CREB3L2: variants seen among roughly 807,000 people sequenced by gnomAD.
CREB3L2 encodes cyclic AMP-responsive element-binding protein 3-like protein 2.
CREB3L2 carries 23 observed loss-of-function variants against 57.2 expected under a neutral mutation model. The observed-to-expected ratio is 0.40, with a 90% confidence interval of 0.29 to 0.57. CREB3L2 has a LOEUF of 0.57. Among genes scored for constraint, CREB3L2 ranks in the 20% least tolerant of loss-of-function variants. The pLI is 0.42. For missense variants in CREB3L2, 628 were observed against 634.7 expected (o/e 0.99, Z 0.11); for synonymous variants, 268 against 265.1 (o/e 1.01, Z -0.11).
chr7:137,970,285 C>T (rs558456157), intron 1 of CREB3L2, among the ~76,000 whole-genome samples: 39 of 152,238 alleles, frequency 2.6e-4, no homozygotes, highest in Middle Eastern at 3.4e-3. Flanking sequence ...TTAAACTGCC[C>T]AAATAGAATT....
chr7:137,962,040 T>C (rs964785106), intron 1 of CREB3L2, among the ~76,000 whole-genome samples: 15 of 152,122 alleles, frequency 9.9e-5, no homozygotes, highest in African/African-American at 3.6e-4. Context: ...TGCTCTGCTC[T>C]TCCCCATCTG....
intron 8 of CREB3L2, among the ~76,000 whole-genome samples, chr7:137,894,040 T>C (rs1451524323): frequency 6.6e-6 from 1 of 152,188 alleles, no homozygotes; most frequent in Non-Finnish European, 1.5e-5. Flanking sequence ...GACAGTCTCT[T>C]GGGTCTTCTT....
chr7:137,915,836 C>T lies in CREB3L2; in HGVS notation c.495+1G>A. The stretch of plus-strand genomic sequence containing the variant: ...TTTAAACAGACGAAAATTGAGCATA[C>T]CCCAGTGTTCATTTCCAGAGGAGGT... On this transcript the variant is annotated splice_donor_variant, in intron 3 of 11. Transcript: ENST00000330387. LOFTEE classifies it high-confidence loss of function. 1 of 1,613,188 alleles carries T rather than the reference C, an allele frequency of 6.2e-7. No homozygotes were observed. Among genetic ancestry groups the T allele is most frequent in the Non-Finnish European group, 8.5e-7 (1 of 1,179,472 alleles).
intron 8 of CREB3L2, among the ~76,000 whole-genome samples, chr7:137,886,122 G>A (rs1799414124): frequency 6.6e-6 from 1 of 152,224 alleles, no homozygotes; most frequent in Admixed American, 6.5e-5. Flanking sequence ...CTCCAGAACT[G>A]TAAGAGATCA....
At chr7:137,978,624 G>GT (rs1208451752) in intron 1 of CREB3L2, among the ~76,000 whole-genome samples, 7 of 152,290 alleles carry the variant, frequency 4.6e-5, no homozygotes, top group South Asian at 4.1e-4. Flanking sequence ...GGAAAAGAAC[G>GT]TAAGACACTG....
intron 1 of CREB3L2, among the ~76,000 whole-genome samples, chr7:137,989,704 T>C (rs909196886): frequency 6.6e-6 from 1 of 152,132 alleles, no homozygotes; most frequent in African/African-American, 2.4e-5. Flanking sequence ...GTCGCTCCTG[T>C]GAATGTTCTG....
At chr7:137,921,567 C>G (rs1307595608) in intron 2 of CREB3L2, among the ~76,000 whole-genome samples, 1 of 152,134 alleles carries the variant, frequency 6.6e-6, no homozygotes, top group Non-Finnish European at 1.5e-5. Flanking sequence ...TCCATCATTT[C>G]CATAGGTGCC....
At chr7:137,913,220 C>A in intron 3 of CREB3L2, 142 bp from the exon 4 acceptor site, 1 of 768,838 alleles carries the variant, frequency 1.3e-6, no homozygotes, top group Admixed American at 3.0e-5. Context: ...GGCAACTTCC[C>A]TGACAGGGAG....
chr7:137,966,477 T>C (rs1226805524), intron 1 of CREB3L2, among the ~76,000 whole-genome samples: 1 of 152,030 alleles, frequency 6.6e-6, no homozygotes, highest in African/African-American at 2.4e-5. Context: ...ATTTAAGAAG[T>C]GTATGTTGAT....
At chr7:137,970,676 A>G (rs1260063466) in intron 1 of CREB3L2, among the ~76,000 whole-genome samples, 1 of 152,210 alleles carries the variant, frequency 6.6e-6, no homozygotes, top group Non-Finnish European at 1.5e-5. Flanking sequence ...AGCTCAGGTC[A>G]AGGAACTGAA....
intron 1 of CREB3L2, among the ~76,000 whole-genome samples, chr7:137,969,827 G>A (rs913180763): frequency 7.1e-6 from 1 of 141,388 alleles, no homozygotes; most frequent in African/African-American, 3.0e-5. Context: ...AGAAAAATAA[G>A]TTAATATGGT....
intron 8 of CREB3L2, among the ~76,000 whole-genome samples, chr7:137,891,591 T>C (rs1799529267): frequency 6.6e-6 from 1 of 152,096 alleles, no homozygotes; most frequent in Non-Finnish European, 1.5e-5. Flanking sequence ...TTTTTTTTTT[T>C]TGAGACGGAG....
chr7:137,912,757 G>C, intron 4 of CREB3L2: 5 of 1,243,288 alleles, frequency 4.0e-6, no homozygotes, highest in Non-Finnish European at 5.5e-6. Context: ...AGAAGTAAAA[G>C]TATGGTAACA....
At chr7:137,941,858 G>T (rs998576499) in intron 1 of CREB3L2, among the ~76,000 whole-genome samples, 69 of 152,260 alleles carry the variant, frequency 4.5e-4, no homozygotes, top group Middle Eastern at 3.4e-3. Flanking sequence ...CTAAAACTGG[G>T]ACAAAATTAT....
intron 1 of CREB3L2, among the ~76,000 whole-genome samples, chr7:137,979,792 T>C (rs1801681240): frequency 6.6e-6 from 1 of 152,090 alleles, no homozygotes. Context: ...TCTTTCAATC[T>C]CTGGCCTTGA....
At chr7:137,995,802 CCT>C (rs1277271747) in intron 1 of CREB3L2, among the ~76,000 whole-genome samples, 6 of 152,250 alleles carry the variant, frequency 3.9e-5, no homozygotes, top group South Asian at 2.1e-4. Context: ...ATCAGAGACC[CCT>C]GTTTCCCATG....
At chr7:137,985,525 C>T (rs556757329) in intron 1 of CREB3L2, among the ~76,000 whole-genome samples, 6 of 152,316 alleles carry the variant, frequency 3.9e-5, no homozygotes, top group Middle Eastern at 3.4e-3. Context: ...TGCCATCCTG[C>T]TGTCCCCTAC....
intron 1 of CREB3L2, among the ~76,000 whole-genome samples, chr7:137,985,581 C>T (rs897908447): frequency 2.6e-5 from 4 of 152,064 alleles, no homozygotes; most frequent in African/African-American, 9.7e-5. Context: ...CACAATCAGC[C>T]CCAGAAAGAC....
chr7:137,888,548 T>C lies in CREB3L2; in HGVS notation c.1044-3046A>G, dbSNP rs185408540. 2.0e-4 allele frequency among the ~76,000 whole-genome samples: 31 copies of C among 152,204 alleles called. 1 individual carries two copies. Among genetic ancestry groups the C allele is most frequent in the Middle Eastern group, 3.4e-3 (1 of 294 alleles). On this transcript the variant is annotated intron_variant, in intron 8 of 11. Coordinates refer to ENST00000330387, the MANE Select transcript of CREB3L2 (RefSeq NM_194071.4). ...TGGCCGAAGCATATATTTGACTCTC[T>C]ATCACCTGTAATGCCAGCCCCAAAG...
Sources: gnomAD v4.1 joint callset for allele counts (sites outside exome capture counted in the v4.1 genomes callset) on GRCh38, gnomAD v4.1.1 for gene constraint, MANE v1.5 for transcripts, NCBI Gene and HGNC (gene_info 2026-07-23, HGNC 2026-07-21) for gene names.